Variants in STK3 observed in about 807,000 individuals in gnomAD.
STK3 encodes serine/threonine kinase 3.
STK3 carries 41 observed loss-of-function variants against 58.0 expected under a neutral mutation model. The ratio of observed to expected loss-of-function variants is 0.71; its 90% confidence interval spans 0.55 to 0.92. The LOEUF (loss-of-function observed/expected upper bound fraction) is 0.92, where lower values mean the gene tolerates loss of function less well. STK3 is among the 40% of genes least tolerant of loss of function. The pLI is 0.00. For missense variants in STK3, 479 were observed against 602.7 expected, an observed-to-expected ratio of 0.79 and a Z score of 2.15; for synonymous variants, 170 against 191.0, an observed-to-expected ratio of 0.89 and a Z score of 0.91.
intron 1 of STK3, among the ~76,000 whole-genome samples, chr8:98,809,996 C>T (rs527237517): frequency 6.6e-6 from 1 of 152,274 alleles, no homozygotes; most frequent in East Asian, 1.9e-4. Flanking sequence ...AGGAAGCTTC[C>T]AACCATGGTG....
intron 3 of STK3, among the ~76,000 whole-genome samples, chr8:98,865,309 C>T (rs560951269): frequency 6.6e-5 from 10 of 152,292 alleles, no homozygotes; most frequent in Non-Finnish European, 8.8e-5. Flanking sequence ...GTTTCTTCCC[C>T]TATACCTCTC....
Position 98,428,956 on chromosome 8 carries a change from A to G in STK3, n.483+5171T>C. The stretch of plus-strand genomic sequence containing the variant: ...CTGGGGGCCACTTTGAAATACAGCT[A>G]CAAAGAAGTAGGGCTGCTCTTGCTC... On this transcript the variant is annotated intron_variant and non_coding_transcript_variant, in intron 3 of 3. Coordinates refer to the STK3 transcript ENST00000517832. The surrounding 1 kb of genome is among the most constrained non-coding windows in gnomAD (Gnocchi z 6.7). 2 of 1,614,062 alleles carry G rather than the reference A, an allele frequency of 1.2e-6. No homozygotes were observed. The highest frequency in any genetic ancestry group is 1.7e-6 in the Non-Finnish European group (2 of 1,180,002).
intron 6 of STK3, among the ~76,000 whole-genome samples, chr8:98,695,037 G>C (rs1422121829): frequency 6.6e-6 from 1 of 152,168 alleles, no homozygotes; most frequent in Non-Finnish European, 1.5e-5. Context: ...TTTAATGATT[G>C]CCATTCTAAC....
At chr8:98,777,848 C>G (rs1831805983) in intron 1 of STK3, among the ~76,000 whole-genome samples, 1 of 152,140 alleles carries the variant, frequency 6.6e-6, no homozygotes, top group African/African-American at 2.4e-5. Context: ...GAAACTGGAT[C>G]CCTTCCTTAC....
At chr8:98,552,022 T>C (rs1811210340) in intron 8 of STK3, among the ~76,000 whole-genome samples, 1 of 152,100 alleles carries the variant, frequency 6.6e-6, no homozygotes, top group African/African-American at 2.4e-5. Flanking sequence ...AGAAACAAGT[T>C]CTTTTATTTC....
the STK3 span, among the ~76,000 whole-genome samples, chr8:98,358,623 C>T: frequency 6.6e-6 from 1 of 152,114 alleles, no homozygotes; most frequent in Non-Finnish European, 1.5e-5. Flanking sequence ...GGACCCAGGG[C>T]AGGCTCAAGC....
intron 3 of STK3, among the ~76,000 whole-genome samples, chr8:98,874,339 A>C (rs1337585672): frequency 2.0e-5 from 3 of 152,160 alleles, no homozygotes; most frequent in Non-Finnish European, 4.4e-5. Flanking sequence ...GCTCTTCTCA[A>C]GGAGTATCTT....
chr8:98,875,938 C>T (rs1837546454), intron 3 of STK3, among the ~76,000 whole-genome samples: 2 of 152,170 alleles, frequency 1.3e-5, no homozygotes, highest in Non-Finnish European at 2.9e-5. Flanking sequence ...CTCAGGCCAT[C>T]ACAGTAGCAG....
intron 7 of STK3, among the ~76,000 whole-genome samples, chr8:98,583,263 T>A (rs1419001096): frequency 1.3e-5 from 2 of 152,116 alleles, no homozygotes; most frequent in South Asian, 4.1e-4. Flanking sequence ...AAATTTGGTG[T>A]GTATCATCAC....
At chr8:98,450,743 C>A (rs778147457), downstream of STK3, among the ~76,000 whole-genome samples, 2 of 152,182 alleles carry the variant, frequency 1.3e-5, no homozygotes, top group Non-Finnish European at 2.9e-5. Context: ...ACCCTGCATC[C>A]TTTTTCTACA....
chr8:98,448,598 A>G (rs796212394), intron 1 of STK3, among the ~76,000 whole-genome samples: 1 of 152,232 alleles, frequency 6.6e-6, no homozygotes, highest in African/African-American at 2.4e-5. Flanking sequence ...GGTTTTATTT[A>G]GCTTCCACTC....
intron 10 of STK3, among the ~76,000 whole-genome samples, chr8:98,465,178 G>C (rs1820370013): frequency 6.6e-6 from 1 of 152,154 alleles, no homozygotes; most frequent in Non-Finnish European, 1.5e-5. Flanking sequence ...TTAGGGGGCA[G>C]ATATTACCAA....
chr8:98,585,938 A>G (rs1208577864), intron 7 of STK3, among the ~76,000 whole-genome samples: 1 of 152,070 alleles, frequency 6.6e-6, no homozygotes, highest in East Asian at 1.9e-4. Flanking sequence ...ATTTTTGCAC[A>G]TTGATTTTGT....
intron 4 of STK3, among the ~76,000 whole-genome samples, chr8:98,710,828 G>C (rs1826357026): frequency 6.6e-6 from 1 of 152,262 alleles, no homozygotes; most frequent in Non-Finnish European, 1.5e-5. Flanking sequence ...TCTGAGAACA[G>C]ACAGACTGCC....
At chr8:98,869,641 C>T (rs117655290) in intron 3 of STK3, among the ~76,000 whole-genome samples, 233 of 152,136 alleles carry the variant, frequency 1.5e-3, no homozygotes, top group Non-Finnish European at 2.9e-3. Context: ...CTGGGAGAGG[C>T]AAGGGAGGAT....
intron 4 of STK3, among the ~76,000 whole-genome samples, chr8:98,744,701 G>A (rs1271865744): frequency 6.6e-6 from 1 of 151,820 alleles, no homozygotes; most frequent in African/African-American, 2.4e-5. Flanking sequence ...CCTGCACATT[G>A]TGCACATGTA....
At chr8:98,743,791 A>AAC (rs1313098410) in intron 4 of STK3, among the ~76,000 whole-genome samples, 11 of 151,950 alleles carry the variant, frequency 7.2e-5, no homozygotes, top group Non-Finnish European at 1.2e-4. Flanking sequence ...CATCAGAGTG[A>AAC]ACAGGCAACC....
chr8:98,669,610 A>G (rs1037810917), intron 6 of STK3, among the ~76,000 whole-genome samples: 4 of 152,202 alleles, frequency 2.6e-5, no homozygotes, highest in African/African-American at 9.7e-5. Flanking sequence ...ATGTTCTAAC[A>G]TGTTCTCTTA....
intron 3 of STK3, among the ~76,000 whole-genome samples, chr8:98,858,986 A>G (rs2131847324): frequency 6.6e-6 from 1 of 152,258 alleles, no homozygotes; most frequent in Non-Finnish European, 1.5e-5. Context: ...TTTGTCAGTT[A>G]AAGAAAAGCC....
Sources: gnomAD v4.1 joint callset for allele counts (sites outside exome capture counted in the v4.1 genomes callset) on GRCh38, gnomAD v4.1.1 for gene constraint, Gnocchi (gnomAD v3.1) non-coding constraint, MANE v1.5 for transcripts, NCBI Gene and HGNC (gene_info 2026-07-23, HGNC 2026-07-21) for gene names.